Variants in COL22A1 observed in about 807,000 individuals in gnomAD.
The protein encoded by COL22A1 is collagen alpha-1(XXII) chain.
In COL22A1, 221 loss-of-function variants were observed where a neutral mutation model predicts 248.9. The observed-to-expected ratio is 0.89, with a 90% CI of 0.80 to 0.99. The LOEUF (loss-of-function observed/expected upper bound fraction) is 0.99. Among genes scored for constraint, COL22A1 ranks in the 50% least tolerant of loss-of-function variants. The probability of loss-of-function intolerance (pLI) is 0.00; values close to 1 mark genes in which losing one functional copy is unlikely to be tolerated. For missense variants in COL22A1, 2,240 were observed against 2,179.0 expected (o/e 1.03, Z -0.56); for synonymous variants, 891 against 793.4 (o/e 1.12, Z -2.07).
At chr8:138,866,700 C>T (rs917690625) in intron 3 of COL22A1, among the ~76,000 whole-genome samples, 1 of 152,250 alleles carries the variant, frequency 6.6e-6, no homozygotes, top group African/African-American at 2.4e-5. Flanking sequence ...CATGGCCAGG[C>T]AGCGCTGATT....
chr8:138,643,793 G>A (rs779415515), intron 47 of COL22A1, among the ~76,000 whole-genome samples: 6 of 152,074 alleles, frequency 3.9e-5, no homozygotes, highest in East Asian at 1.9e-4. Flanking sequence ...TCTGTCTCCC[G>A]GGTTCAAGCG....
intron 31 of COL22A1, 69 bp from the exon 32 acceptor site, chr8:138,700,213 G>A (rs1299334187): frequency 2.1e-6 from 3 of 1,453,970 alleles, no homozygotes; most frequent in East Asian, 2.3e-5. Flanking sequence ...TTTAAAACCT[G>A]CCTTGGAGAG....
At chr8:138,793,057 A>G (rs1292079739) in intron 12 of COL22A1, among the ~76,000 whole-genome samples, 1 of 152,220 alleles carries the variant, frequency 6.6e-6, no homozygotes, top group African/African-American at 2.4e-5. Context: ...TACATGCAGA[A>G]GCCAATGCAC....
At chr8:138,770,157 G>T (rs1834243669) in intron 16 of COL22A1, among the ~76,000 whole-genome samples, 1 of 152,136 alleles carries the variant, frequency 6.6e-6, no homozygotes, top group South Asian at 2.1e-4. Flanking sequence ...CCATTTTGAG[G>T]CCCCTCCTTG....
intron 49 of COL22A1, among the ~76,000 whole-genome samples, chr8:138,630,981 C>T (rs1191680526): frequency 6.6e-6 from 1 of 152,106 alleles, no homozygotes; most frequent in Non-Finnish European, 1.5e-5. Flanking sequence ...AAGTGAGCCC[C>T]CACTCAGTTC....
At chr8:138,883,319 C>T (rs997997772) in intron 1 of COL22A1, 75 bp from the exon 2 acceptor site, 1 of 781,178 alleles carries the variant, frequency 1.3e-6, no homozygotes, top group Admixed American at 2.8e-5. Context: ...GGGCCCTGCC[C>T]AGGGGGATTC....
intron 1 of COL22A1, among the ~76,000 whole-genome samples, chr8:138,895,673 A>G (rs1825359683): frequency 6.6e-6 from 1 of 152,156 alleles, no homozygotes; most frequent in South Asian, 2.1e-4. Context: ...AGAAATCTAT[A>G]AATAATAGCA....
intron 12 of COL22A1, among the ~76,000 whole-genome samples, chr8:138,781,536 TG>T (rs1228052219): frequency 1.3e-5 from 2 of 152,164 alleles, no homozygotes; most frequent in Non-Finnish European, 2.9e-5. Context: ...GTATTCAACT[TG>T]TTTTAATTTT....
chr8:138,718,051 T>C (rs1239863942), intron 27 of COL22A1, among the ~76,000 whole-genome samples: 1 of 152,188 alleles, frequency 6.6e-6, no homozygotes, highest in Non-Finnish European at 1.5e-5. Flanking sequence ...GCTATAAAGA[T>C]TTTTTGTGCA....
At chr8:138,687,813 AG>A (rs1386070092) in intron 37 of COL22A1, among the ~76,000 whole-genome samples, 1 of 152,194 alleles carries the variant, frequency 6.6e-6, no homozygotes, top group African/African-American at 2.4e-5. Context: ...ACCTTCAGGG[AG>A]GATCGTTCTT....
rs548472580 is a variant in COL22A1, at chr8:138,792,985, C to T, written c.1596+3834G>A. ...CTTGAAATGGGCACAGCATTGCCTT[C>T]CCTGAAATATTGTCTTAATGATGGG... On this transcript the variant is annotated intron_variant, in intron 12 of 64. Transcript: ENST00000303045. Among the ~76,000 whole-genome samples, 43 of 152,290 alleles carry T rather than the reference C, an allele frequency of 2.8e-4. No individual in the cohort carries two copies. In the South Asian group the frequency reaches 8.7e-3, roughly 31 times the overall value.
At chr8:138,713,172 G>A (rs374341602) in intron 30 of COL22A1, among the ~76,000 whole-genome samples, 31 of 152,230 alleles carry the variant, frequency 2.0e-4, no homozygotes, top group Non-Finnish European at 2.9e-4. Flanking sequence ...TTCGACTGAC[G>A]AACTACAGTT....
At chr8:138,706,311 C>T (rs1828441503) in intron 30 of COL22A1, among the ~76,000 whole-genome samples, 1 of 152,204 alleles carries the variant, frequency 6.6e-6, no homozygotes. Flanking sequence ...CAGAACTCTC[C>T]ACCCCAAATC....
chr8:138,705,947 C>A (rs559010292), intron 30 of COL22A1, among the ~76,000 whole-genome samples: 1 of 152,052 alleles, frequency 6.6e-6, no homozygotes, highest in Admixed American at 6.6e-5. Flanking sequence ...ATCTACCAAG[C>A]AAATGGAAAG....
At chr8:138,722,523 A>G (rs1829952492) in intron 25 of COL22A1, among the ~76,000 whole-genome samples, 1 of 152,200 alleles carries the variant, frequency 6.6e-6, no homozygotes, top group African/African-American at 2.4e-5. Context: ...TTGTCCTTCA[A>G]AAAAGCAAAA....
rs774589262 is a variant in COL22A1, at chr8:138,737,552, G to A, written c.2111C>T (p.Pro704Leu). Residue 704 changes from proline to leucine, a missense_variant, in exon 23 of 65, where the codon CCT (proline) becomes CTT (leucine). Physicochemically the swap from Pro to Leu is moderately conservative, Grantham distance 98. Coordinates refer to ENST00000303045, the MANE Select transcript of COL22A1 (RefSeq NM_152888.3). ...LRGKKGDMGPPGIPGLLGLQG... is the reference protein window; with the variant it reads ...LRGKKGDMGPLGIPGLLGLQG... ...CAGCCCCAGCAATCCAGGGATTCCA[G>A]GTGGTCCCATGTCACCTTTCTTCCC... 17 of 1,612,004 alleles carry A rather than the reference G, an allele frequency of 1.1e-5. No individual in the cohort carries two copies. The highest frequency in any genetic ancestry group is 4.5e-5 in the East Asian group (2 of 44,848).
intron 41 of COL22A1, among the ~76,000 whole-genome samples, chr8:138,672,010 C>T (rs1825075828): frequency 6.6e-6 from 1 of 152,118 alleles, no homozygotes; most frequent in African/African-American, 2.4e-5. Flanking sequence ...CTGGGATAGT[C>T]AAAAGTTATA....
intron 49 of COL22A1, 109 bp from the exon 50 acceptor site, chr8:138,630,857 C>T: frequency 1.1e-6 from 1 of 950,484 alleles, no homozygotes; most frequent in South Asian, 1.3e-5. Context: ...TCTGTCCCCT[C>T]CAAATCTCAT....
intron 12 of COL22A1, among the ~76,000 whole-genome samples, chr8:138,790,170 G>A (rs1457715975): frequency 6.6e-6 from 1 of 152,110 alleles, no homozygotes; most frequent in Non-Finnish European, 1.5e-5. Flanking sequence ...CAAGATCAAG[G>A]TGCCGTCAGA....
Sources: gnomAD v4.1 joint callset for allele counts (sites outside exome capture counted in the v4.1 genomes callset) on GRCh38, gnomAD v4.1.1 for gene constraint, MANE v1.5 for transcripts, NCBI Gene and HGNC (gene_info 2026-07-23, HGNC 2026-07-21) for gene names.